Variants in ENOSF1 observed in about 807,000 individuals in gnomAD.
The protein encoded by ENOSF1 is enolase superfamily member 1.
ENOSF1 carries 73 observed loss-of-function variants against 68.2 expected under a neutral mutation model. The ratio of observed to expected loss-of-function variants is 1.07; its 90% confidence interval spans 0.89 to 1.30. ENOSF1 has a LOEUF of 1.30. Ranked by LOEUF, ENOSF1 falls within the 50% of genes most tolerant of loss-of-function variation. ENOSF1 has a pLI of 0.00. For missense variants in ENOSF1, 589 were observed against 554.5 expected (o/e 1.06, Z -0.62); for synonymous variants, 223 against 210.4 (o/e 1.06, Z -0.52).
At chr18:667,617 G>GGTGATGGCGATGGCGATGGAGATGGAGAT (rs201838394), downstream of ENOSF1, 3 of 46,618 alleles carry the variant, frequency 6.4e-5, no homozygotes, top group African/African-American at 4.1e-4. Flanking sequence ...TGATGGAGAT[G>GGTGATGGCGATGGCGATGGAGATGGAGAT]GGTGATGGTG....
At chr18:690,523 C>G (rs1568072649) in intron 8 of ENOSF1, 26 bp downstream of exon 8, 3 of 1,614,064 alleles carry the variant, frequency 1.9e-6, no homozygotes. Flanking sequence ...ATTCAGCTGT[C>G]TACAAAGCCA....
At chr18:697,213 A>AAT in intron 3 of ENOSF1, 27 bp downstream of exon 3, 1 of 1,497,032 alleles carries the variant, frequency 6.7e-7, no homozygotes, top group Non-Finnish European at 9.3e-7. Context: ...TTACTTATGT[A>AAT]AGCATTTTAC....
At chr18:668,479 CATT>C (rs1293553672), downstream of ENOSF1, among the ~76,000 whole-genome samples, 1 of 152,176 alleles carries the variant, frequency 6.6e-6, no homozygotes, top group East Asian at 1.9e-4. Context: ...GTGGTGTAAT[CATT>C]ACAGAGGTTT....
chr18:693,763 T>G, intron 5 of ENOSF1, 119 bp downstream of exon 5: 8 of 1,493,824 alleles, frequency 5.4e-6, no homozygotes, highest in Admixed American at 2.5e-5. Flanking sequence ...TTTTGCTTTA[T>G]CATCGCTATA....
In ENOSF1 at chr18:703,477, G is replaced by A. The variant is rs1206423593; in HGVS notation, c.193+2993C>T. Among the ~76,000 whole-genome samples, 17 of 152,174 alleles carry A rather than the reference G, an allele frequency of 1.1e-4. 1 individual carries two copies. Among genetic ancestry groups the A allele is most frequent in the Admixed American group, 1.1e-3 (17 of 15,272 alleles). On this transcript the variant is annotated intron_variant, in intron 2 of 15. Coordinates refer to ENST00000647584, the MANE Select transcript of ENOSF1 (RefSeq NM_017512.7). ...TGGAGAAAGGCAGCGGCTTCATAAA[G>A]TACTCAACTTACAAACAAGGGACAA...
At chr18:685,026 A>AT (rs11384156) in intron 10 of ENOSF1, among the ~76,000 whole-genome samples, 131,644 of 151,770 alleles carry the variant, frequency 0.87, 57,183 homozygotes, top group East Asian at 1. Flanking sequence ...CACCTGGTTA[A>AT]TTTTTTTTCT....
chr18:686,967 G>T (rs183821382), intron 9 of ENOSF1: 16 of 152,366 alleles, frequency 1.1e-4, no homozygotes, highest in African/African-American at 3.8e-4. Context: ...CCTGTGCTGG[G>T]AAGAGACCCT....
At chr18:668,973 G>C (rs2074921269), downstream of ENOSF1, 2 of 973,200 alleles carry the variant, frequency 2.1e-6, no homozygotes, top group African/African-American at 1.6e-5. Context: ...GTCAAGGGGG[G>C]ACCCTGGGTA....
intron 2 of ENOSF1, among the ~76,000 whole-genome samples, chr18:702,988 T>A (rs1203888066): frequency 6.6e-6 from 1 of 152,190 alleles, no homozygotes; most frequent in Non-Finnish European, 1.5e-5. Flanking sequence ...CAGGATGAGC[T>A]AATGGAATTT....
At chr18:668,690 A>G (rs182710136), downstream of ENOSF1, among the ~76,000 whole-genome samples, 14 of 152,344 alleles carry the variant, frequency 9.2e-5, no homozygotes, top group African/African-American at 3.1e-4. Flanking sequence ...TTTGTCAGTG[A>G]AATTGTGACA....
In ENOSF1 at chr18:674,185, G is replaced by A. The variant is rs1172668404; in HGVS notation, c.*120C>T. ...CTTAGCTGATTCCTGAGGGTGGTAT[G>A]ACTTCTAGCTGAACTCATCTTGATC... On this transcript the variant is annotated 3_prime_UTR_variant, in exon 16 of 16. Transcript: ENST00000647584. The A allele has an allele frequency of 1.5e-6, 1 of 678,616 alleles. No homozygotes were observed. The highest frequency in any genetic ancestry group is 1.8e-5 in the African/African-American group (1 of 54,194). 42.0% of individuals were successfully genotyped at this position (678,616 alleles called of 1,614,324 possible).
chr18:684,364 C>CA (rs2144788635), intron 10 of ENOSF1, among the ~76,000 whole-genome samples: 1 of 151,954 alleles, frequency 6.6e-6, no homozygotes, highest in African/African-American at 2.4e-5. Context: ...CCTCTCTCTA[C>CA]AAAAAATACA....
intron 15 of ENOSF1, 143 bp downstream of exon 15, chr18:675,178 C>G (rs2075352603): frequency 5.8e-6 from 4 of 691,294 alleles, no homozygotes; most frequent in Non-Finnish European, 1.0e-5. Flanking sequence ...GATTTTGATA[C>G]AGACAAACTG....
chr18:664,445 C>T, the ENOSF1 span, among the ~76,000 whole-genome samples: 1 of 144,356 alleles, frequency 6.9e-6, no homozygotes, highest in Admixed American at 6.8e-5. Context: ...TCTAGATATA[C>T]AATCATGTCG....
At chr18:675,817 GT>G (rs1431184045) in intron 14 of ENOSF1, among the ~76,000 whole-genome samples, 1 of 112,112 alleles carries the variant, frequency 8.9e-6, no homozygotes, top group African/African-American at 3.6e-5. Flanking sequence ...GGGGCTTGGG[GT>G]TTTTTTGGCA....
the ENOSF1 span, among the ~76,000 whole-genome samples, chr18:664,158 G>A: frequency 1.3e-5 from 2 of 151,778 alleles, no homozygotes; most frequent in Admixed American, 1.3e-4. Context: ...AGCATGGAAT[G>A]GTCTTCCATT....
At chr18:684,520 C>A (rs1267916219) in intron 10 of ENOSF1, among the ~76,000 whole-genome samples, 1 of 151,904 alleles carries the variant, frequency 6.6e-6, no homozygotes, top group African/African-American at 2.4e-5. Flanking sequence ...CTGAGTGAGA[C>A]CCTATCTCAA....
rs1249279502 is a variant in ENOSF1, at chr18:671,518, G to C, written c.*2787C>G. ...TTGATAAAAGGTTGACTGTGGAACAGGCATCTGCTCAATGCTGTGTCCAAG... is the reference window on the plus strand; with the variant it reads ...TTGATAAAAGGTTGACTGTGGAACACGCATCTGCTCAATGCTGTGTCCAAG... On this transcript the variant is annotated 3_prime_UTR_variant, in exon 16 of 16. Transcript: ENST00000647584. 3.4e-5 allele frequency: 35 copies of C among 1,033,912 alleles called. 1 individual carries two copies. In the East Asian group the frequency reaches 7.6e-4, roughly 22 times the overall value. 64.0% of individuals were successfully genotyped at this position (1,033,912 alleles called of 1,614,324 possible).
chr18:675,135 T>C (rs955974978), intron 15 of ENOSF1, among the ~76,000 whole-genome samples, 186 bp downstream of exon 15: 7 of 152,222 alleles, frequency 4.6e-5, no homozygotes, highest in Admixed American at 1.3e-4. Flanking sequence ...TCAGAGGCAA[T>C]TGAACCTCCA....
Sources: gnomAD v4.1 joint callset for allele counts (sites outside exome capture counted in the v4.1 genomes callset) on GRCh38, gnomAD v4.1.1 for gene constraint, MANE v1.5 for transcripts, NCBI Gene and HGNC (gene_info 2026-07-23, HGNC 2026-07-21) for gene names.